OR5A1: variants seen among roughly 807,000 people sequenced by gnomAD.
The protein encoded by OR5A1 is olfactory receptor family 5 subfamily A member 1, also known as olfactory receptor 5A1.
Under a neutral mutation model 6.7 loss-of-function variants are expected in OR5A1, and 6 were observed. The observed-to-expected ratio is 0.89, with a 90% CI of 0.49 to 1.76. The LOEUF (loss-of-function observed/expected upper bound fraction) is 1.76. Ranked by LOEUF, OR5A1 falls within the 40% of genes most tolerant of loss-of-function variation. The pLI is 0.01. For missense variants in OR5A1, 378 were observed against 381.7 expected, an observed-to-expected ratio of 0.99 and a Z score of 0.08; for synonymous variants, 170 against 155.0, an observed-to-expected ratio of 1.10 and a Z score of -0.72.
At chr11:59,439,015 T>C (rs1256500396) in intron 1 of OR5A1, among the ~76,000 whole-genome samples, 1 of 152,124 alleles carries the variant, frequency 6.6e-6, no homozygotes, top group Non-Finnish European at 1.5e-5. Flanking sequence ...AATGGCATTA[T>C]GAAGTGAAGG....
rs892642104 is a variant in OR5A1 at position 59,439,964 on chromosome 11, C to T, written c.-34+3129C>T. Among the ~76,000 whole-genome samples, 9 of 152,344 alleles carry T rather than the reference C, an allele frequency of 5.9e-5. No homozygotes were observed. The East Asian group carries it at 1.7e-3, about 29-fold the overall frequency. ...GAATAGTTGCTGCTGATAACAATCA[C>T]ATTCCCAGTTTATTAAGCAAACATT... On this transcript the variant is annotated intron_variant, in intron 1 of 1. Transcript: ENST00000641045.
chr11:59,443,901 G>A lies in OR5A1; in HGVS notation c.733G>A (p.Ala245Thr). The A allele has an allele frequency of 1.9e-6, 3 of 1,614,128 alleles. No homozygotes were observed. The highest frequency in any genetic ancestry group is 1.3e-5 in the African/African-American group (1 of 75,024). Residue 245 changes from alanine to threonine, a missense_variant, in exon 2 of 2, where the codon GCC becomes ACC. Coordinates refer to ENST00000641045, the MANE Select transcript of OR5A1 (RefSeq NM_001004728.2). ...EGRWKACNTCASHLMVVTLLF... is the reference protein window; with the variant it reads ...EGRWKACNTCTSHLMVVTLLF... ...CCGATGGAAAGCCTGCAACACGTGT[G>A]CCTCGCATCTGATGGTGGTGACTCT...
In OR5A1 at chr11:59,444,367, CA is replaced by C. The variant is rs2134538684; in HGVS notation, c.*253del. On this transcript the variant is annotated 3_prime_UTR_variant, in exon 2 of 2. Coordinates refer to ENST00000641045, the MANE Select transcript of OR5A1 (RefSeq NM_001004728.2). ...ACCTCCCCAGGATAACCTATTTTCA[CA>C]ATAATCACAATAACTAGCCTTTATT... 1 of 298,336 alleles carries C rather than the reference CA, an allele frequency of 3.4e-6. No individual in the cohort carries two copies. The highest frequency in any genetic ancestry group is 5.0e-5 in the East Asian group (1 of 19,918). 18.5% of individuals were successfully genotyped at this position (298,336 alleles called of 1,614,324 possible). A position where few individuals can be genotyped will look rare whatever the true frequency, so the allele number is the denominator to read the frequency against.
chr11:59,438,811 C>G (rs1299430169), intron 1 of OR5A1, among the ~76,000 whole-genome samples: 1 of 152,228 alleles, frequency 6.6e-6, no homozygotes, highest in Non-Finnish European at 1.5e-5. Context: ...AACTCTCCTT[C>G]TCTTTTCTCA....
In OR5A1 at chr11:59,444,406, T is replaced by G; in HGVS notation, c.*290T>G. 8.0e-6 allele frequency: 2 copies of G among 250,940 alleles called. No homozygotes were observed. The highest frequency in any genetic ancestry group is 1.5e-5 in the Non-Finnish European group (2 of 130,122). 15.5% of individuals were successfully genotyped at this position (250,940 alleles called of 1,614,324 possible). ...ACTAGCCTTTATTGGGCCCTTAGTA[T>G]GTACCAGGCACAAAAGTTATTTAAT... On this transcript the variant is annotated 3_prime_UTR_variant, in exon 2 of 2. Coordinates refer to ENST00000641045, the MANE Select transcript of OR5A1 (RefSeq NM_001004728.2).
chr11:59,444,374 C>T lies in OR5A1; in HGVS notation c.*258C>T, dbSNP rs151047503. 6.8e-6 allele frequency: 2 copies of T among 294,790 alleles called. No homozygotes were observed. The highest frequency in any genetic ancestry group is 1.0e-4 in the East Asian group (2 of 19,402). The allele number at this position is 294,790 out of a possible 1,614,324, so 18.3% of individuals were successfully genotyped here. ...CAGGATAACCTATTTTCACAATAAT[C>T]ACAATAACTAGCCTTTATTGGGCCC... On this transcript the variant is annotated 3_prime_UTR_variant, in exon 2 of 2. Coordinates refer to ENST00000641045, the MANE Select transcript of OR5A1 (RefSeq NM_001004728.2).
chr11:59,438,242 A>G (rs1441530688), intron 1 of OR5A1, among the ~76,000 whole-genome samples: 1 of 152,192 alleles, frequency 6.6e-6, no homozygotes, highest in Non-Finnish European at 1.5e-5. Flanking sequence ...CTAATACACT[A>G]TTCTATATTG....
rs562124971 is a variant in OR5A1, at chr11:59,451,217, A to G, written c.*7101A>G. 1.3e-5 allele frequency: 2 copies of G among 152,210 alleles called. No homozygotes were observed. Among genetic ancestry groups the G allele is most frequent in the East Asian group, 3.9e-4 (2 of 5,186 alleles). The allele number at this position is 152,210 out of a possible 1,614,324, so 9.4% of individuals were successfully genotyped here. ...AGAAATGATACCTCATTGTAATTTA[A>G]TTTGTATTTCCTTTTTTCTTTCTTT... On this transcript the variant is annotated 3_prime_UTR_variant, in exon 2 of 2. Coordinates refer to ENST00000641045, the MANE Select transcript of OR5A1 (RefSeq NM_001004728.2).
rs1314846810 is a variant in OR5A1 at position 59,448,149 on chromosome 11, G to C, written c.*4033G>C. On this transcript the variant is annotated 3_prime_UTR_variant, in exon 2 of 2. Coordinates refer to ENST00000641045, the MANE Select transcript of OR5A1 (RefSeq NM_001004728.2). ...GTCCTGGGCCGCATGAAGCCCACGG[G>C]CTGTGGGTTGTGCAAGCTTGCTTTA... 2 of 152,210 alleles carry C rather than the reference G, an allele frequency of 1.3e-5. No homozygotes were observed. The highest frequency in any genetic ancestry group is 1.3e-4 in the Admixed American group (2 of 15,276). The allele number at this position is 152,210 out of a possible 1,614,324, so 9.4% of individuals were successfully genotyped here.
rs1330586642 is a variant in OR5A1, at chr11:59,446,449, G to C, written c.*2333G>C. 2 of 152,150 alleles carry C rather than the reference G, an allele frequency of 1.3e-5. No homozygotes were observed. Among genetic ancestry groups the C allele is most frequent in the Non-Finnish European group, 2.9e-5 (2 of 68,042 alleles). The allele number at this position is 152,150 out of a possible 1,614,324, so 9.4% of individuals were successfully genotyped here. A position where few individuals can be genotyped will look rare whatever the true frequency, so the allele number is the denominator to read the frequency against. ...CTCCGGCTTTGTTCTTTTTGCTTAG[G>C]ATTGTCTTGACTATACTAGCTCCTT... On this transcript the variant is annotated 3_prime_UTR_variant, in exon 2 of 2. Coordinates refer to ENST00000641045, the MANE Select transcript of OR5A1 (RefSeq NM_001004728.2).
At position 59,436,621 on chromosome 11, in the gene OR5A1, T is replaced by C. The variant is rs1337259047; in HGVS notation, c.-248T>C. ...TTACAACCTCCATCCTTTCTTTATATATCTTTTTCTTCCTTTACTCTGCCC... is the reference window on the plus strand; with the variant it reads ...TTACAACCTCCATCCTTTCTTTATACATCTTTTTCTTCCTTTACTCTGCCC... On this transcript the variant is annotated 5_prime_UTR_variant, in exon 1 of 2. Transcript: ENST00000641045. 6.6e-6 allele frequency: 1 copy of C among 152,194 alleles called. No homozygotes were observed. The highest frequency in any genetic ancestry group is 1.5e-5 in the Non-Finnish European group (1 of 68,042). The allele number at this position is 152,194 out of a possible 1,614,324, so 9.4% of individuals were successfully genotyped here. A position where few individuals can be genotyped will look rare whatever the true frequency, so the allele number is the denominator to read the frequency against.
Position 59,444,319 on chromosome 11 carries a change from GAAAAAAAAA to G in OR5A1, c.*215_*223del, listed in dbSNP as rs35421205. 1.3e-5 allele frequency: 1 copy of G among 76,828 alleles called. No individual in the cohort carries two copies. Among genetic ancestry groups the G allele is most frequent in the Non-Finnish European group, 2.4e-5 (1 of 41,226 alleles). 4.8% of individuals were successfully genotyped at this position (76,828 alleles called of 1,614,324 possible). On this transcript the variant is annotated 3_prime_UTR_variant, in exon 2 of 2. Transcript: ENST00000641045. ...GCCAAAAAGGGAAGGAATTTCTTCA[GAAAAAAAAA>G]AAAAAAAAAAAGAACCTCCCCAGGA...
Position 59,444,016 on chromosome 11 carries a change from T to G in OR5A1, c.848T>G (p.Leu283Trp), listed in dbSNP as rs768822534. 4 of 1,614,006 alleles carry G rather than the reference T, an allele frequency of 2.5e-6. No homozygotes were observed. In the South Asian group the frequency reaches 4.4e-5, roughly 18 times the overall value. The change falls in exon 2 of 2, where the codon TTG (leucine) becomes TGG (tryptophan). Residue 283 changes from leucine (L) to tryptophan (W), a missense_variant. Transcript: ENST00000641045. ...AAGGTGGTGTCTGTTTTCTATTCAT[T>G]GGTGATCCCCATGCTGAACCCTCTC... ...RDKVVSVFYS[L>W]VIPMLNPLIY... is the part of the protein sequence containing the mutation.
rs768441051 is a variant in OR5A1 at position 59,449,988 on chromosome 11, A to G, written c.*5872A>G. ...CACACATAGACCCATAAAGGCAAGG[A>G]GTAAAAAGTGCTAGATTATCACAAG... On this transcript the variant is annotated 3_prime_UTR_variant, in exon 2 of 2. Transcript: ENST00000641045. 6.6e-6 allele frequency: 1 copy of G among 152,234 alleles called. No individual in the cohort carries two copies. Among genetic ancestry groups the G allele is most frequent in the Non-Finnish European group, 1.5e-5 (1 of 68,050 alleles). The allele number at this position is 152,234 out of a possible 1,614,324, so 9.4% of individuals were successfully genotyped here. A position where few individuals can be genotyped will look rare whatever the true frequency, so the allele number is the denominator to read the frequency against.
intron 1 of OR5A1, among the ~76,000 whole-genome samples, chr11:59,441,829 A>G (rs1858482826): frequency 1.3e-5 from 2 of 152,324 alleles, no homozygotes; most frequent in South Asian, 4.1e-4. Context: ...AAATACTTAT[A>G]GAACAGTTAC....
chr11:59,437,534 T>TC (rs1369381606), intron 1 of OR5A1, among the ~76,000 whole-genome samples: 1 of 152,246 alleles, frequency 6.6e-6, no homozygotes, highest in African/African-American at 2.4e-5. Context: ...ACTATACTTT[T>TC]CAAGAAGTCT....
intron 1 of OR5A1, among the ~76,000 whole-genome samples, chr11:59,437,150 T>C (rs933771687): frequency 1.3e-5 from 2 of 152,218 alleles, no homozygotes; most frequent in African/African-American, 4.8e-5. Context: ...GGTACATTGT[T>C]ACAATCAATG....
intron 1 of OR5A1, among the ~76,000 whole-genome samples, chr11:59,441,549 C>T (rs1858480312): frequency 6.6e-6 from 1 of 152,200 alleles, no homozygotes; most frequent in African/African-American, 2.4e-5. Flanking sequence ...CCATAAGCCA[C>T]ATGGCCCTCT....
At position 59,443,471 on chromosome 11, in the gene OR5A1, T is replaced by G. The variant is rs745840208; in HGVS notation, c.303T>G (p.Ala101=). ...AGACCATATCATTTGTGGGCTGTGCTGCTCAGTTTTTTTTCTTTGTCGGCA... is the reference window on the plus strand; with the variant it reads ...AGACCATATCATTTGTGGGCTGTGCGGCTCAGTTTTTTTTCTTTGTCGGCA... ...EQKTISFVGC[A]AQFFFFVGMG... Residue 101 remains alanine, a synonymous_variant, in exon 2 of 2, where the codon GCT becomes GCG. Coordinates refer to ENST00000641045, the MANE Select transcript of OR5A1 (RefSeq NM_001004728.2). The G allele has an allele frequency of 6.2e-6, 10 of 1,613,958 alleles. No individual in the cohort carries two copies. The South Asian group carries it at 9.9e-5, about 16-fold the overall frequency.
Sources: gnomAD v4.1 joint callset for allele counts (sites outside exome capture counted in the v4.1 genomes callset) on GRCh38, gnomAD v4.1.1 for gene constraint, MANE v1.5 for transcripts, NCBI Gene and HGNC (gene_info 2026-07-23, HGNC 2026-07-21) for gene names.